NIPA2: variants seen among roughly 807,000 people sequenced by gnomAD.
NIPA2 encodes magnesium transporter NIPA2.
In NIPA2, 11 loss-of-function variants were observed where a neutral mutation model predicts 29.7. The observed-to-expected ratio is 0.37, with a 90% CI of 0.23 to 0.61. NIPA2 has a LOEUF of 0.61. NIPA2 is among the 20% of genes least tolerant of loss of function. NIPA2 has a pLI of 0.66. For missense variants in NIPA2, 426 were observed against 437.9 expected, an observed-to-expected ratio of 0.97 and a Z score of 0.24; for synonymous variants, 183 against 161.9, an observed-to-expected ratio of 1.13 and a Z score of -0.99.
chr15:22,858,294 T>C (rs2058352705), intron 5 of NIPA2, among the ~76,000 whole-genome samples: 2 of 151,860 alleles, frequency 1.3e-5, no homozygotes, highest in Non-Finnish European at 2.9e-5. Context: ...CTTGGGAGGC[T>C]GAGGCAGGAG....
At chr15:22,851,185 A>G (rs1444606089) in intron 3 of NIPA2, among the ~76,000 whole-genome samples, 1 of 152,220 alleles carries the variant, frequency 6.6e-6, no homozygotes, top group Non-Finnish European at 1.5e-5. Flanking sequence ...CTAAATAAAT[A>G]AATTAGCATA....
intron 7 of NIPA2, among the ~76,000 whole-genome samples, chr15:22,865,434 C>T (rs972533068): frequency 1.4e-4 from 21 of 151,526 alleles, no homozygotes; most frequent in Non-Finnish European, 1.5e-5. Context: ...TGCAGTGAGC[C>T]GAGATCGCAC....
At chr15:22,857,433 T>A (rs535708716) in intron 5 of NIPA2, among the ~76,000 whole-genome samples, 2 of 131,960 alleles carry the variant, frequency 1.5e-5, no homozygotes, top group Middle Eastern at 3.7e-3. Context: ...AGAGCGAGAC[T>A]CTGTCTCAAA....
Position 22,858,639 on chromosome 15 carries a change from A to G in NIPA2, c.287+9A>G, listed in dbSNP as rs753048093. The G allele has an allele frequency of 6.5e-7, 1 of 1,538,392 alleles. No individual in the cohort carries two copies. Among genetic ancestry groups the G allele is most frequent in the Non-Finnish European group, 8.8e-7 (1 of 1,130,500 alleles). ...CTCAGCGTGCTAGTAAGGTAAGGAC[A>G]CGTTTTTCATGTAGAAACAGTAGTC... On this transcript the variant is annotated intron_variant, in intron 6 of 7. Coordinates refer to ENST00000337451, the MANE Select transcript of NIPA2 (RefSeq NM_030922.7).
chr15:22,853,006 A>G (rs1475347077), intron 4 of NIPA2, among the ~76,000 whole-genome samples: 2 of 152,142 alleles, frequency 1.3e-5, no homozygotes, highest in Non-Finnish European at 2.9e-5. Context: ...AGGTGCTCTC[A>G]CTGTTCATGA....
At chr15:22,846,885 T>G (rs1343109302) in intron 3 of NIPA2, among the ~76,000 whole-genome samples, 2 of 143,200 alleles carry the variant, frequency 1.4e-5, no homozygotes, top group Non-Finnish European at 3.0e-5. Context: ...AGTCTGTTGT[T>G]TTTTGTTTTT....
chr15:22,860,825 A>G (rs2058569132), intron 7 of NIPA2, 36 bp downstream of exon 7: 1 of 1,496,592 alleles, frequency 6.7e-7, no homozygotes, highest in Non-Finnish European at 9.0e-7. Flanking sequence ...ACTGTATTTT[A>G]CTTTTTAACT....
At chr15:22,864,160 CTTTT>C (rs1009038716) in intron 7 of NIPA2, among the ~76,000 whole-genome samples, 9 of 151,920 alleles carry the variant, frequency 5.9e-5, no homozygotes, top group Non-Finnish European at 1.3e-4. Flanking sequence ...GGCTATCTTT[CTTTT>C]TATTTTTTTG....
intron 7 of NIPA2, 27 bp from the exon 8 acceptor site, chr15:22,866,186 C>T (rs764788126): frequency 3.8e-6 from 6 of 1,593,554 alleles, no homozygotes; most frequent in Non-Finnish European, 5.2e-6. Context: ...CCATTTGACT[C>T]ATGTAACTTT....
intron 7 of NIPA2, among the ~76,000 whole-genome samples, chr15:22,865,347 G>C (rs111992701): frequency 6.6e-6 from 1 of 151,896 alleles, no homozygotes; most frequent in Non-Finnish European, 1.5e-5. Flanking sequence ...TTAGCTGGGC[G>C]TGTTGGCGGG....
intron 5 of NIPA2, among the ~76,000 whole-genome samples, chr15:22,855,742 A>G (rs186281571): frequency 3.9e-5 from 6 of 152,142 alleles, no homozygotes; most frequent in African/African-American, 1.4e-4. Flanking sequence ...CCTCGCTGAA[A>G]GGTATTTGGG....
chr15:22,842,603 A>G (rs1897376318), intron 2 of NIPA2, among the ~76,000 whole-genome samples: 1 of 151,838 alleles, frequency 6.6e-6, no homozygotes, highest in Admixed American at 6.6e-5. Flanking sequence ...CCGAGGCAGA[A>G]GGATCACCCG....
chr15:22,866,334 G>A lies in NIPA2; in HGVS notation c.570G>A (p.Ala190=), dbSNP rs145797709. The A allele has an allele frequency of 4.5e-5, 73 of 1,613,970 alleles. No homozygotes were observed. The highest frequency in any genetic ancestry group is 3.4e-4 in the South Asian group (31 of 91,074). Residue 190 remains alanine, a synonymous_variant, in exon 8 of 8, where the codon GCG becomes GCA. Coordinates refer to ENST00000337451, the MANE Select transcript of NIPA2 (RefSeq NM_030922.7). ...VYITICSVIG[A]FSVSCVKGLG... ...TAACAATCTGCTCTGTAATCGGCGC[G>A]TTTTCAGTCTCCTGTGTGAAGGGCC...
rs1406399294 is a variant in NIPA2, at chr15:22,845,166, C to A, written c.-195C>A. ...TGCAGGCTCTCCCGGCTGTGATAGA[C>A]CTTCAGTTACAGAGAGAGGGAGCAG... is the stretch of plus-strand genomic sequence containing the variant. On this transcript the variant is annotated 5_prime_UTR_variant, in exon 3 of 8. Coordinates refer to ENST00000337451, the MANE Select transcript of NIPA2 (RefSeq NM_030922.7). The A allele has an allele frequency of 6.6e-6, 1 of 152,176 alleles. No individual in the cohort carries two copies. Among genetic ancestry groups the A allele is most frequent in the South Asian group, 2.1e-4 (1 of 4,830 alleles). The allele number at this position is 152,176 out of a possible 1,614,324, so 9.4% of individuals were successfully genotyped here. A position where few individuals can be genotyped will look rare whatever the true frequency, so the allele number is the denominator to read the frequency against.
At chr15:22,843,984 G>A (rs1390052663) in intron 2 of NIPA2, among the ~76,000 whole-genome samples, 1 of 152,052 alleles carries the variant, frequency 6.6e-6, no homozygotes, top group Non-Finnish European at 1.5e-5. Flanking sequence ...GATGTGAGCC[G>A]CCGTGCTCGG....
intron 1 of NIPA2, 107 bp downstream of exon 1, chr15:22,839,028 G>A (rs1329001011): frequency 6.6e-6 from 1 of 152,200 alleles, no homozygotes; most frequent in African/African-American, 2.4e-5. Context: ...TTTCCTTTCC[G>A]GGTGTTCTGA....
At chr15:22,843,078 A>G (rs564461874) in intron 2 of NIPA2, among the ~76,000 whole-genome samples, 16 of 151,862 alleles carry the variant, frequency 1.1e-4, no homozygotes, top group African/African-American at 3.2e-4. Flanking sequence ...AGTTTACACA[A>G]TTTGGTCTTC....
chr15:22,859,123 G>A (rs1033324264), intron 6 of NIPA2, among the ~76,000 whole-genome samples: 3 of 151,952 alleles, frequency 2.0e-5, no homozygotes, highest in Non-Finnish European at 2.9e-5. Context: ...GCAATGACCC[G>A]AGATAGCACC....
intron 3 of NIPA2, among the ~76,000 whole-genome samples, chr15:22,851,228 G>A (rs979723215): frequency 2.0e-5 from 3 of 152,176 alleles, no homozygotes; most frequent in Admixed American, 2.0e-4. Context: ...AGAAGAAAAT[G>A]TATGGGTGAG....
Sources: gnomAD v4.1 joint callset for allele counts (sites outside exome capture counted in the v4.1 genomes callset) on GRCh38, gnomAD v4.1.1 for gene constraint, MANE v1.5 for transcripts, NCBI Gene and HGNC (gene_info 2026-07-23, HGNC 2026-07-21) for gene names.